Variants in ROBO1 observed in about 807,000 individuals in gnomAD.
ROBO1 encodes roundabout homolog 1.
Under a neutral mutation model 195.9 loss-of-function variants are expected in ROBO1, and 149 were observed. That is an observed-to-expected ratio of 0.76 (90% CI 0.67 to 0.87). The LOEUF (loss-of-function observed/expected upper bound fraction) is 0.87, where lower values mean the gene tolerates loss of function less well. Ranked by LOEUF, ROBO1 falls within the 40% of genes least tolerant of loss-of-function variation. The probability of loss-of-function intolerance (pLI) is 0.00; values close to 1 mark genes in which losing one functional copy is unlikely to be tolerated. For synonymous variants in ROBO1, 816 were observed against 733.2 expected (o/e 1.11, Z -1.82); for missense variants, 1,933 against 2,068.3 (o/e 0.93, Z 1.27).
rs1304598777 is a variant in ROBO1 at position 78,657,585 on chromosome 3, C to T, written c.2443-316G>A. 3.3e-5 allele frequency among the ~76,000 whole-genome samples: 5 copies of T among 152,198 alleles called. No individual in the cohort carries two copies. The East Asian group carries it at 9.6e-4, about 29-fold the overall frequency. ...CCACTTCATTTAGATTTCTTTTTAA[C>T]ACCAACACATTATCTGCCAGCTAAA... On this transcript the variant is annotated intron_variant, in intron 17 of 30. Coordinates refer to ENST00000464233, the MANE Select transcript of ROBO1 (RefSeq NM_002941.4).
At chr3:78,981,721 G>A (rs1219907713) in intron 3 of ROBO1, among the ~76,000 whole-genome samples, 3 of 151,596 alleles carry the variant, frequency 2.0e-5, no homozygotes, top group Admixed American at 1.3e-4. Context: ...GGGCTTGAAG[G>A]CCGCCTCAGA....
intron 3 of ROBO1, among the ~76,000 whole-genome samples, chr3:79,013,718 G>A (rs2077847312): frequency 6.6e-6 from 1 of 152,160 alleles, no homozygotes; most frequent in African/African-American, 2.4e-5. Flanking sequence ...TTCTACAACA[G>A]TAAAATCAGG....
At position 78,847,884 on chromosome 3, in the gene ROBO1, C is replaced by T. The variant is rs530502149; in HGVS notation, c.499+90717G>A. Among the ~76,000 whole-genome samples, 50 of 152,264 alleles carry T rather than the reference C, an allele frequency of 3.3e-4. No individual in the cohort carries two copies. The South Asian group carries it at 9.9e-3, about 30-fold the overall frequency. On this transcript the variant is annotated intron_variant, in intron 4 of 30. Coordinates refer to ENST00000464233, the MANE Select transcript of ROBO1 (RefSeq NM_002941.4). ...AGTTAAGATAACGGAATGTATGATA[C>T]TTCATATACATAAAATGGTTTTAGT...
chr3:79,424,146 T>G (rs2038344911), intron 2 of ROBO1, among the ~76,000 whole-genome samples: 1 of 152,132 alleles, frequency 6.6e-6, no homozygotes, highest in Non-Finnish European at 1.5e-5. Flanking sequence ...TTACAATTAT[T>G]TACTTATACT....
chr3:78,614,551 G>T, intron 28 of ROBO1, 97 bp downstream of exon 28: 1 of 1,300,854 alleles, frequency 7.7e-7, no homozygotes, highest in Non-Finnish European at 1.0e-6. Flanking sequence ...AATTTTTAAT[G>T]TAATTTCTAA....
intron 8 of ROBO1, among the ~76,000 whole-genome samples, chr3:78,690,590 C>G (rs1430077209): frequency 1.3e-5 from 2 of 151,934 alleles, no homozygotes; most frequent in African/African-American, 2.4e-5. Context: ...CATACAGGAG[C>G]ATTCTATTCC....
intron 4 of ROBO1, among the ~76,000 whole-genome samples, chr3:78,908,798 T>A (rs1431057707): frequency 1.3e-5 from 2 of 151,900 alleles, no homozygotes; most frequent in Admixed American, 6.6e-5. Flanking sequence ...CTCTGGAGAT[T>A]CCTAGAAACC....
At chr3:78,738,046 A>G (rs1484725307) in intron 5 of ROBO1, among the ~76,000 whole-genome samples, 1 of 152,134 alleles carries the variant, frequency 6.6e-6, no homozygotes, top group African/African-American at 2.4e-5. Flanking sequence ...AGCAAAAGAC[A>G]TTGAACAATG....
chr3:79,351,511 A>G (rs1035657407), intron 2 of ROBO1, among the ~76,000 whole-genome samples: 2 of 152,152 alleles, frequency 1.3e-5, no homozygotes, highest in Non-Finnish European at 2.9e-5. Context: ...ATAACAGTGA[A>G]CCAAAAAACC....
intron 2 of ROBO1, among the ~76,000 whole-genome samples, chr3:79,580,297 C>A (rs545198243): frequency 1.3e-5 from 2 of 151,812 alleles, no homozygotes; most frequent in Non-Finnish European, 2.9e-5. Flanking sequence ...CGTGGTGAAA[C>A]CCTTTCTCTA....
intron 1 of ROBO1, among the ~76,000 whole-genome samples, chr3:79,764,383 T>A (rs1252115209): frequency 6.6e-6 from 1 of 152,228 alleles, no homozygotes; most frequent in African/African-American, 2.4e-5. Context: ...GCCTATTGTA[T>A]GCTATCATGT....
intron 4 of ROBO1, among the ~76,000 whole-genome samples, chr3:78,786,790 C>T (rs142983934): frequency 2.6e-5 from 4 of 152,248 alleles, no homozygotes; most frequent in African/African-American, 9.6e-5. Context: ...ATTGTTGAGT[C>T]CATTAAGCCT....
intron 3 of ROBO1, among the ~76,000 whole-genome samples, chr3:79,005,308 C>A (rs2077595374): frequency 6.6e-6 from 1 of 152,186 alleles, no homozygotes. Context: ...TGAGCTGTAG[C>A]TCTAGAATTT....
In ROBO1 at chr3:79,251,819, G is replaced by A. The variant is rs71324664; in HGVS notation, c.89-126280C>T. On this transcript the variant is annotated intron_variant, in intron 2 of 30. Coordinates refer to ENST00000464233, the MANE Select transcript of ROBO1 (RefSeq NM_002941.4). The stretch of plus-strand genomic sequence containing the variant: ...ACAAGAATTAGCCAGGCATGGTGGC[G>A]CGCATCTGTAATCCCAGCTACTTGG... Among the ~76,000 whole-genome samples the A allele has an allele frequency of 2.0e-3, 307 of 151,966 alleles. 1 individual carries two copies. Among genetic ancestry groups the A allele is most frequent in the Non-Finnish European group, 2.3e-3 (154 of 67,956 alleles).
chr3:79,261,030 T>C (rs995192418), intron 2 of ROBO1, among the ~76,000 whole-genome samples: 2 of 152,098 alleles, frequency 1.3e-5, no homozygotes, highest in Admixed American at 6.6e-5. Flanking sequence ...GTTACCATTT[T>C]TAGTGTTTTT....
At chr3:79,016,972 A>C (rs181784563) in intron 3 of ROBO1, among the ~76,000 whole-genome samples, 89 of 152,284 alleles carry the variant, frequency 5.8e-4, no homozygotes, top group African/African-American at 2.1e-3. Context: ...TCCGATATGC[A>C]AACTAAGGAA....
intron 2 of ROBO1, among the ~76,000 whole-genome samples, chr3:79,275,048 C>G (rs1405738657): frequency 6.6e-6 from 1 of 151,870 alleles, no homozygotes; most frequent in Non-Finnish European, 1.5e-5. Flanking sequence ...TGTATTTTAC[C>G]AAACATTTAA....
intron 4 of ROBO1, among the ~76,000 whole-genome samples, chr3:78,812,885 C>A (rs946919165): frequency 1.3e-5 from 2 of 152,066 alleles, no homozygotes; most frequent in Non-Finnish European, 2.9e-5. Context: ...CACATAATCA[C>A]ATGACTGCAA....
At chr3:78,858,564 CAAAA>C (rs554355096) in intron 4 of ROBO1, among the ~76,000 whole-genome samples, 2 of 96,496 alleles carry the variant, frequency 2.1e-5, no homozygotes, top group East Asian at 3.3e-4. Flanking sequence ...CCCTGTCTAC[CAAAA>C]AAAAAAAAAA....
Sources: gnomAD v4.1 joint callset for allele counts (sites outside exome capture counted in the v4.1 genomes callset) on GRCh38, gnomAD v4.1.1 for gene constraint, MANE v1.5 for transcripts, NCBI Gene and HGNC (gene_info 2026-07-23, HGNC 2026-07-21) for gene names.